The following POM121 variants were observed in gnomAD, a reference collection of about 807,000 sequenced individuals.
POM121 encodes the protein POM121 transmembrane nucleoporin.
In POM121, 32 loss-of-function variants were observed where a neutral mutation model predicts 81.3. The observed-to-expected ratio is 0.39, with a 90% CI of 0.30 to 0.53. The LOEUF is 0.53. Among genes scored for constraint, POM121 ranks in the 20% least tolerant of loss-of-function variants. POM121 has a pLI of 0.66. For missense variants in POM121, 1,138 were observed against 1,614.6 expected (o/e 0.70, Z 5.06); for synonymous variants, 514 against 694.2 (o/e 0.74, Z 4.08).
downstream of POM121, chr7:72,950,220 C>T: frequency 1.9e-6 from 3 of 1,607,094 alleles, no homozygotes; most frequent in Non-Finnish European, 2.5e-6. Context: ...ACCATTCATT[C>T]ATCATTTCCT....
At chr7:72,939,010 G>T (rs1319181123) in intron 6 of POM121, among the ~76,000 whole-genome samples, 3 of 152,340 alleles carry the variant, frequency 2.0e-5, no homozygotes, top group Admixed American at 6.5e-5. Context: ...TGACCCCCTA[G>T]GTGCTTGCAG....
At chr7:72,908,157 C>T (rs1282689812) in intron 3 of POM121, among the ~76,000 whole-genome samples, 8 of 152,288 alleles carry the variant, frequency 5.3e-5, no homozygotes, top group African/African-American at 9.6e-5. Flanking sequence ...TCAATGATGT[C>T]GGGGGAACCC....
At chr7:72,918,842 GGCTGGAGT>G (rs1207806636) in intron 4 of POM121, among the ~76,000 whole-genome samples, 3 of 152,060 alleles carry the variant, frequency 2.0e-5, no homozygotes, top group Admixed American at 1.3e-4. Context: ...TCTGTCTCCA[GGCTGGAGT>G]GCAGTGGCGC....
At chr7:72,881,300 C>T (rs1286795859) in intron 1 of POM121, among the ~76,000 whole-genome samples, 11 of 150,068 alleles carry the variant, frequency 7.3e-5, no homozygotes, top group Admixed American at 6.7e-4. Flanking sequence ...TCACTTGAGG[C>T]CAGAATTTGA....
In POM121 at chr7:72,943,102, G is replaced by A. The variant is rs1554502112; in HGVS notation, c.3109G>A (p.Ala1037Thr). The change falls in exon 11 of 13, where the codon GCG (alanine) becomes ACG (threonine). Residue 1037 changes from alanine to threonine, a missense_variant. This residue lies in a region of POM121 where 336 missense variants were observed against 344.3 expected (regional missense o/e 0.98). Transcript: ENST00000434423. ...TATCTTTGGCGGTGCCACGCACTCG[G>A]CGTTTGGGTTGAAAGCCACGGCTTC... ...HPIFGGATHS[A>T]FGLKATASAF... The A allele has an allele frequency of 1.9e-6, 3 of 1,613,512 alleles. No homozygotes were observed. Among genetic ancestry groups the A allele is most frequent in the African/African-American group, 1.3e-5 (1 of 75,054 alleles).
intron 5 of POM121, among the ~76,000 whole-genome samples, chr7:72,936,476 A>G (rs1244877823): frequency 1.3e-5 from 2 of 151,680 alleles, no homozygotes; most frequent in Non-Finnish European, 2.9e-5. Flanking sequence ...ACGGGGTTTC[A>G]CCATGTTAGC....
At chr7:72,914,761 A>G (rs1160555830) in intron 4 of POM121, among the ~76,000 whole-genome samples, 1 of 152,116 alleles carries the variant, frequency 6.6e-6, no homozygotes, top group Admixed American at 6.5e-5. Context: ...GTTTGTGAGT[A>G]GAAGGTGTGT....
chr7:72,890,059 C>T (rs1344363095), intron 1 of POM121, among the ~76,000 whole-genome samples: 3 of 152,032 alleles, frequency 2.0e-5, no homozygotes, highest in Admixed American at 6.6e-5. Flanking sequence ...ATTCATTTAA[C>T]GAATATTTAT....
chr7:72,925,358 G>A lies in POM121; in HGVS notation c.237G>A (p.Leu79=), dbSNP rs1795289572. Residue 79 remains leucine, a synonymous_variant, in exon 1 of 13, where the codon TTG becomes TTA. Transcript: ENST00000434423. ...LSREPRGSRP[L]SSFVRKARHR... Reference sequence around the variant, plus strand: ...GCGAGCCCCGAGGTTCGCGCCCCTTGTCCTCCTTCGTTCGGAAGGCGCGTC... The same window carrying A: ...GCGAGCCCCGAGGTTCGCGCCCCTTATCCTCCTTCGTTCGGAAGGCGCGTC... 3.9e-6 allele frequency: 6 copies of A among 1,522,972 alleles called. No individual in the cohort carries two copies. Among genetic ancestry groups the A allele is most frequent in the Admixed American group, 2.0e-5 (1 of 50,768 alleles). The allele number at this position is 1,522,972 out of a possible 1,614,324, so 94.3% of individuals were successfully genotyped here.
chr7:72,885,009 T>G (rs1451635039), intron 1 of POM121, among the ~76,000 whole-genome samples: 33 of 152,338 alleles, frequency 2.2e-4, no homozygotes, highest in Non-Finnish European at 4.6e-4. Flanking sequence ...GGTAGAAGAT[T>G]CAGTCTAGGA....
chr7:72,924,200 C>G (rs1795123895), upstream of POM121, among the ~76,000 whole-genome samples: 1 of 152,008 alleles, frequency 6.6e-6, no homozygotes, highest in South Asian at 2.1e-4. Context: ...CCCACCCCGG[C>G]CTCCCAAAGT....
chr7:72,901,004 G>A lies in POM121; in HGVS notation c.-216+9894G>A, dbSNP rs568339149. ...CAGAATTTGGCGTTTTTTTTTTTAAGAGATGGCATCTCCCTTTATTGCCCA... is the reference window on the plus strand; with the variant it reads ...CAGAATTTGGCGTTTTTTTTTTTAAAAGATGGCATCTCCCTTTATTGCCCA... On this transcript the variant is annotated intron_variant, in intron 3 of 15. Transcript: ENST00000395270. Among the ~76,000 whole-genome samples the A allele has an allele frequency of 7.0e-4, 102 of 146,370 alleles. 1 individual carries two copies. Among genetic ancestry groups the A allele is most frequent in the Admixed American group, 5.3e-3 (77 of 14,452 alleles).
chr7:72,898,338 C>T (rs562507535), intron 3 of POM121, among the ~76,000 whole-genome samples: 1 of 152,290 alleles, frequency 6.6e-6, no homozygotes, highest in African/African-American at 2.4e-5. Flanking sequence ...AAGCGATCCT[C>T]CCGTCTTGAC....
At chr7:72,940,001 C>T (rs782687597) in intron 8 of POM121, 33 bp downstream of exon 8, 71 of 1,597,966 alleles carry the variant, frequency 4.4e-5, no homozygotes, top group Middle Eastern at 4.6e-4. Context: ...CTGCCCTCCC[C>T]GGCTTAGCTC....
At chr7:72,915,634 C>T (rs1315886211) in intron 4 of POM121, among the ~76,000 whole-genome samples, 1 of 152,148 alleles carries the variant, frequency 6.6e-6, no homozygotes, top group Admixed American at 6.6e-5. Context: ...TTTGGCCTCC[C>T]AAAGCACTGG....
chr7:72,938,754 C>T (rs1398784304), intron 6 of POM121, 73 bp downstream of exon 6: 2 of 1,514,872 alleles, frequency 1.3e-6, no homozygotes, highest in East Asian at 4.5e-5. Context: ...GGAAACGAAC[C>T]TGGCTCTTAG....
chr7:72,925,001 G>C, upstream of POM121: 1 of 1,325,002 alleles, frequency 7.5e-7, no homozygotes, highest in Non-Finnish European at 9.6e-7. Flanking sequence ...GGTCTCGGGC[G>C]CTGCCGGGCG....
intron 1 of POM121, among the ~76,000 whole-genome samples, chr7:72,884,130 G>A (rs1554489701): frequency 6.6e-6 from 1 of 152,034 alleles, no homozygotes; most frequent in African/African-American, 2.4e-5. Context: ...GTCTTGAACT[G>A]GGCTCAAGTG....
intron 1 of POM121, among the ~76,000 whole-genome samples, chr7:72,889,114 A>G (rs1315217985): frequency 1.3e-5 from 2 of 152,110 alleles, no homozygotes; most frequent in Non-Finnish European, 2.9e-5. Flanking sequence ...ATTTTATGTT[A>G]TTTATTGGTC....
Sources: gnomAD v4.1 joint callset for allele counts (sites outside exome capture counted in the v4.1 genomes callset) on GRCh38, gnomAD v4.1.1 for gene constraint, gnomAD v4.1.1 regional missense constraint, MANE v1.5 for transcripts, NCBI Gene and HGNC (gene_info 2026-07-23, HGNC 2026-07-21) for gene names.